The following NRXN1 variants were observed in gnomAD, a reference collection of about 807,000 sequenced individuals.
The protein encoded by NRXN1 is neurexin 1.
A neutral mutation model predicts 150.9 loss-of-function variants in NRXN1; 39 were observed. The observed-to-expected ratio is 0.26, with a 90% confidence interval of 0.20 to 0.34. NRXN1 has a LOEUF of 0.34. Among genes scored for constraint, NRXN1 ranks in the 10% least tolerant of loss-of-function variants. The probability of loss-of-function intolerance (pLI) is 1.00; values close to 1 mark genes in which losing one functional copy is unlikely to be tolerated. For synonymous variants in NRXN1, 924 were observed against 757.0 expected, an observed-to-expected ratio of 1.22 and a Z score of -3.62; for missense variants, 1,815 against 1,949.9, an observed-to-expected ratio of 0.93 and a Z score of 1.30.
At chr2:50,698,831 T>A (rs1010421595) in intron 5 of NRXN1, among the ~76,000 whole-genome samples, 1 of 152,208 alleles carries the variant, frequency 6.6e-6, no homozygotes, top group Non-Finnish European at 1.5e-5. Context: ...TCATTGTTTA[T>A]GAAATGTCTG....
chr2:50,652,500 T>C (rs1044697978), intron 5 of NRXN1, among the ~76,000 whole-genome samples: 1 of 152,104 alleles, frequency 6.6e-6, no homozygotes, highest in African/African-American at 2.4e-5. Flanking sequence ...ACTTTTAGCA[T>C]AACGTTTCTG....
chr2:50,415,133 G>A (rs1361033202), intron 17 of NRXN1, among the ~76,000 whole-genome samples: 1 of 151,998 alleles, frequency 6.6e-6, no homozygotes, highest in Non-Finnish European at 1.5e-5. Context: ...CAGGGAGTAG[G>A]CAATGAGTTT....
intron 5 of NRXN1, among the ~76,000 whole-genome samples, chr2:50,669,340 A>C (rs1688515058): frequency 6.6e-6 from 1 of 151,964 alleles, no homozygotes; most frequent in South Asian, 2.1e-4. Context: ...AAAGTCCCAG[A>C]GAGGTTTTGG....
chr2:50,711,039 T>C (rs138297102), intron 5 of NRXN1, among the ~76,000 whole-genome samples: 2,000 of 152,226 alleles, frequency 0.013, 17 homozygotes, highest in Non-Finnish European at 0.021. Context: ...GCAAACAGAA[T>C]TAATATAAAA....
intron 17 of NRXN1, among the ~76,000 whole-genome samples, chr2:50,413,376 T>C (rs2083323132): frequency 6.6e-6 from 1 of 151,708 alleles, no homozygotes; most frequent in African/African-American, 2.4e-5. Flanking sequence ...TGAATAGACA[T>C]TTCTCAAAAG....
intron 17 of NRXN1, among the ~76,000 whole-genome samples, chr2:50,372,286 T>C (rs1476760509): frequency 6.6e-6 from 1 of 152,104 alleles, no homozygotes; most frequent in Non-Finnish European, 1.5e-5. Flanking sequence ...TTCTGGTGGA[T>C]GTGTTCTCTC....
chr2:50,649,255 C>CAT (rs1195114520), intron 5 of NRXN1, among the ~76,000 whole-genome samples: 11 of 101,260 alleles, frequency 1.1e-4, no homozygotes, highest in African/African-American at 3.8e-4. Flanking sequence ...CACACATACA[C>CAT]ACATACACAC....
At chr2:50,942,313 G>A (rs1689584323) in intron 2 of NRXN1, among the ~76,000 whole-genome samples, 1 of 152,182 alleles carries the variant, frequency 6.6e-6, no homozygotes, top group South Asian at 2.1e-4. Context: ...GAGGAAATAT[G>A]GGGTTGGAGC....
Position 50,623,477 on chromosome 2 carries a change from G to A in NRXN1, c.971C>T (p.Thr324Ile). The A allele has an allele frequency of 6.2e-7, 1 of 1,613,486 alleles. No homozygotes were observed. The highest frequency in any genetic ancestry group is 1.7e-4 in the Middle Eastern group (1 of 6,058). The change falls in exon 6 of 23, where the codon ACT becomes ATT. Residue 324 changes from threonine to isoleucine, a missense_variant. Physicochemically the swap from Thr to Ile is moderately conservative, Grantham distance 89 (BLOSUM62 -1). Coordinates refer to ENST00000401669, the MANE Select transcript of NRXN1 (RefSeq NM_001330078.2). Reference protein sequence around the residue: ...TLQRNGLMLHTGKSADYVNLA... With the variant: ...TLQRNGLMLHIGKSADYVNLA... ...ATTGACATAATCAGCCGATTTCCCA[G>A]TGTGAAGCATCAGTCCATTCCTCTG...
At chr2:50,104,529 G>A (rs898865097) in intron 18 of NRXN1, among the ~76,000 whole-genome samples, 6 of 151,922 alleles carry the variant, frequency 3.9e-5, no homozygotes, top group African/African-American at 1.4e-4. Flanking sequence ...ATTCCAGAAG[G>A]GCAGGATTTG....
At chr2:50,179,850 C>T (rs757905803) in intron 18 of NRXN1, among the ~76,000 whole-genome samples, 11 of 152,050 alleles carry the variant, frequency 7.2e-5, no homozygotes, top group Admixed American at 3.9e-4. Context: ...CCAGGCAGAT[C>T]GAAACTGCCT....
intron 2 of NRXN1, among the ~76,000 whole-genome samples, chr2:51,002,042 G>T (rs1020777608): frequency 6.6e-6 from 1 of 151,898 alleles, no homozygotes; most frequent in Admixed American, 6.6e-5. Context: ...TACCAAATTT[G>T]TCCATTCATA....
At chr2:50,041,130 G>C (rs1690879640) in intron 21 of NRXN1, among the ~76,000 whole-genome samples, 1 of 152,046 alleles carries the variant, frequency 6.6e-6, no homozygotes, top group Non-Finnish European at 1.5e-5. Flanking sequence ...AAATTCCTTT[G>C]ACATTTCCTA....
rs1323306682 is a variant in NRXN1, at chr2:50,522,719, C to CCTTTTTTTTTTTT, written c.2374+5905_2374+5906insAAAAAAAAAAAAG. 2.5e-4 allele frequency among the ~76,000 whole-genome samples: 22 copies of CCTTTTTTTTTTTT among 86,554 alleles called. 8 individuals carry two copies. The highest frequency in any genetic ancestry group is 5.4e-4 in the African/African-American group (9 of 16,772). 56.8% of individuals were successfully genotyped at this position (86,554 alleles called of 152,430 possible). On this transcript the variant is annotated intron_variant, in intron 12 of 22. Transcript: ENST00000401669. Reference sequence around the variant, plus strand: ...TTCCATTTATTCATTTATTTTTATTCATTTTTTTTTTTTTTTTTTTTTTTT... The same window carrying CCTTTTTTTTTTTT: ...TTCCATTTATTCATTTATTTTTATTCCTTTTTTTTTTTTATTTTTTTTTTTTTTTTTTTTTTTT...
chr2:50,541,397 C>A (rs1558907554), intron 9 of NRXN1, among the ~76,000 whole-genome samples: 2 of 152,098 alleles, frequency 1.3e-5, no homozygotes, highest in Non-Finnish European at 2.9e-5. Context: ...TGCACTGTGT[C>A]TGCACTCACT....
At chr2:50,750,836 C>T (rs544107188) in intron 5 of NRXN1, among the ~76,000 whole-genome samples, 14 of 151,996 alleles carry the variant, frequency 9.2e-5, no homozygotes, top group Admixed American at 3.9e-4. Context: ...ATGTGCAGAA[C>T]GTCATTCTTA....
intron 17 of NRXN1, among the ~76,000 whole-genome samples, chr2:50,453,816 G>A (rs1276595159): frequency 2.0e-5 from 3 of 151,998 alleles, no homozygotes; most frequent in Non-Finnish European, 4.4e-5. Flanking sequence ...AAGAGAAATG[G>A]GATTATTATC....
At chr2:50,726,215 A>C (rs959302502) in intron 5 of NRXN1, among the ~76,000 whole-genome samples, 2 of 152,134 alleles carry the variant, frequency 1.3e-5, no homozygotes, top group Admixed American at 1.3e-4. Context: ...AACAACTTTT[A>C]TTTGTGCTGT....
At chr2:50,886,327 G>A (rs1459549982) in intron 5 of NRXN1, among the ~76,000 whole-genome samples, 1 of 151,352 alleles carries the variant, frequency 6.6e-6, no homozygotes, top group Non-Finnish European at 1.5e-5. Flanking sequence ...TTTTTATCTA[G>A]ATTGTTCTTT....
Sources: allele counts gnomAD v4.1 joint callset (sites outside exome capture counted in the v4.1 genomes callset), GRCh38; gene constraint gnomAD v4.1.1; transcripts MANE v1.5; gene names NCBI Gene and HGNC (gene_info 2026-07-23, HGNC 2026-07-21).